SCAMP2: variants seen among roughly 807,000 people sequenced by gnomAD.
SCAMP2 encodes the protein secretory carrier-associated membrane protein 2.
A neutral mutation model predicts 44.1 loss-of-function variants in SCAMP2; 25 were observed. That is an observed-to-expected ratio of 0.57 (90% CI 0.41 to 0.79). The LOEUF (loss-of-function observed/expected upper bound fraction) is 0.79. SCAMP2 is among the 30% of genes least tolerant of loss of function. SCAMP2 has a pLI of 0.00. For synonymous variants in SCAMP2, 156 were observed against 166.0 expected, an observed-to-expected ratio of 0.94 and a Z score of 0.46; for missense variants, 355 against 411.0, an observed-to-expected ratio of 0.86 and a Z score of 1.18.
rs982975886 is a variant in SCAMP2 at position 74,873,130 on chromosome 15, G to A, written c.57+69C>T. The stretch of plus-strand genomic sequence containing the variant: ...CTACGCCACGTCTCCCGGCTCTAGC[G>A]AGAGGCCCGGGCGGCGGCCGTGGGC... On this transcript the variant is annotated intron_variant, in intron 1 of 8. Transcript: ENST00000268099. 5 of 1,304,846 alleles carry A rather than the reference G, an allele frequency of 3.8e-6. No individual in the cohort carries two copies. In the South Asian group the frequency reaches 7.1e-5, roughly 18 times the overall value. 80.8% of individuals were successfully genotyped at this position (1,304,846 alleles called of 1,614,324 possible). A position where few individuals can be genotyped will look rare whatever the true frequency, so the allele number is the denominator to read the frequency against.
At chr15:74,862,909 AAGAG>A (rs2064518324) in intron 1 of SCAMP2, among the ~76,000 whole-genome samples, 2 of 150,296 alleles carry the variant, frequency 1.3e-5, no homozygotes, top group South Asian at 4.2e-4. Context: ...TATTTTTAAA[AAGAG>A]AAAGAAAAAA....
intron 1 of SCAMP2, among the ~76,000 whole-genome samples, chr15:74,859,366 C>A (rs2064487811): frequency 6.6e-6 from 1 of 152,092 alleles, no homozygotes; most frequent in East Asian, 1.9e-4. Flanking sequence ...GTGGGCACCC[C>A]CTGAAGGGGT....
chr15:74,852,118 C>T lies in SCAMP2; in HGVS notation c.294G>A (p.Glu98=). 1.9e-6 allele frequency: 3 copies of T among 1,592,602 alleles called. No homozygotes were observed. Among genetic ancestry groups the T allele is most frequent in the Non-Finnish European group, 2.6e-6 (3 of 1,169,584 alleles). ...GCAGCTCCCGCTCCTTGCGTTCCAGCTCGGCAGCTTTCCTGTCCAGTTCTT... is the reference window on the plus strand; with the variant it reads ...GCAGCTCCCGCTCCTTGCGTTCCAGTTCGGCAGCTTTCCTGTCCAGTTCTT... ...QQEELDRKAA[E]LERKERELQN... Residue 98 remains glutamate, a synonymous_variant, in exon 4 of 9, where the codon GAG becomes GAA. Coordinates refer to ENST00000268099, the MANE Select transcript of SCAMP2 (RefSeq NM_005697.5).
chr15:74,864,670 G>A (rs1413830572), intron 1 of SCAMP2, among the ~76,000 whole-genome samples: 1 of 152,130 alleles, frequency 6.6e-6, no homozygotes, highest in African/African-American at 2.4e-5. Context: ...GACAGCAGCT[G>A]GGGATGGAGA....
chr15:74,868,236 C>T (rs2064555022), intron 1 of SCAMP2, among the ~76,000 whole-genome samples: 1 of 152,220 alleles, frequency 6.6e-6, no homozygotes, highest in African/African-American at 2.4e-5. Flanking sequence ...ATCTTAACTT[C>T]CCATTCACAG....
intron 1 of SCAMP2, among the ~76,000 whole-genome samples, chr15:74,864,944 G>A (rs372694557): frequency 8.6e-5 from 13 of 150,620 alleles, no homozygotes; most frequent in East Asian, 1.9e-4. Flanking sequence ...AAAATTAGCC[G>A]GGCGTGGTGG....
intron 1 of SCAMP2, among the ~76,000 whole-genome samples, chr15:74,865,187 C>T (rs185664715): frequency 7.7e-5 from 11 of 142,532 alleles, no homozygotes; most frequent in Admixed American, 7.0e-4. Context: ...TTGAGACTAG[C>T]CTGGCCAACA....
chr15:74,865,041 A>G (rs576811391), intron 1 of SCAMP2, among the ~76,000 whole-genome samples: 1 of 134,246 alleles, frequency 7.4e-6, no homozygotes, highest in East Asian at 2.4e-4. Context: ...GTGAGCTGAG[A>G]TCACACCACT....
At chr15:74,863,659 A>C in intron 1 of SCAMP2, among the ~76,000 whole-genome samples, 1 of 152,154 alleles carries the variant, frequency 6.6e-6, no homozygotes, top group Middle Eastern at 3.2e-3. Flanking sequence ...CAATCCTCTA[A>C]AGGAATCTAC....
intron 1 of SCAMP2, among the ~76,000 whole-genome samples, chr15:74,865,074 C>CAAA (rs36079981): frequency 6.4e-4 from 21 of 32,780 alleles, no homozygotes; most frequent in Non-Finnish European, 8.0e-4. Context: ...GACTCTATCT[C>CAAA]AAAAAAAAAA....
chr15:74,852,177 A>T lies in SCAMP2; in HGVS notation c.235T>A (p.Ser79Thr). The change falls in exon 4 of 9, where the codon TCT (serine) becomes ACT (threonine). Residue 79 changes from serine to threonine, a missense_variant. Ser to Thr is a moderately conservative substitution (Grantham distance 58). Transcript: ENST00000268099. ...PTQPTPQAVV[S>T]AAQAGLLRQQ... ...CGGAGCAGGCCTGCCTGGGCTGCAG[A>T]CACCACGGCCTGGAGAGAACAGGGG... 4 of 1,542,798 alleles carry T rather than the reference A, an allele frequency of 2.6e-6. No homozygotes were observed. The highest frequency in any genetic ancestry group is 3.5e-6 in the Non-Finnish European group (4 of 1,145,270).
At position 74,854,870 on chromosome 15, in the gene SCAMP2, A is replaced by C. The variant is rs1265489228; in HGVS notation, c.58-221T>G. ...AAAAGGTTCAGCCCAGAAGAGACCC[A>C]GAGCAAGCTTTACCCAGAAGCTTGA... On this transcript the variant is annotated intron_variant, in intron 1 of 8. Transcript: ENST00000268099. 2.0e-5 allele frequency among the ~76,000 whole-genome samples: 3 copies of C among 152,232 alleles called. No individual in the cohort carries two copies. The East Asian group carries it at 5.8e-4, about 29-fold the overall frequency.
intron 8 of SCAMP2, 83 bp from the exon 9 acceptor site, chr15:74,845,300 G>T: frequency 6.3e-7 from 1 of 1,587,232 alleles, no homozygotes; most frequent in Non-Finnish European, 8.6e-7. Flanking sequence ...TCCCAAAGGG[G>T]TCACCAGAAG....
intron 1 of SCAMP2, among the ~76,000 whole-genome samples, chr15:74,861,857 C>T (rs1191352525): frequency 2.9e-5 from 4 of 138,964 alleles, no homozygotes; most frequent in African/African-American, 1.1e-4. Flanking sequence ...GCCGAGGTCA[C>T]ACCACTGCAC....
chr15:74,854,373 C>T (rs191753532), intron 2 of SCAMP2, among the ~76,000 whole-genome samples: 180 of 152,358 alleles, frequency 1.2e-3, no homozygotes, highest in Non-Finnish European at 2.1e-3. Flanking sequence ...GGGAGGGGCC[C>T]CGGTCACAGA....
chr15:74,846,346 G>A (rs1452430688), intron 7 of SCAMP2, among the ~76,000 whole-genome samples: 1 of 151,514 alleles, frequency 6.6e-6, no homozygotes, highest in East Asian at 1.9e-4. Context: ...TTGGGATGCT[G>A]AGGTAGGAGG....
rs552583618 is a variant in SCAMP2 at position 74,873,295 on chromosome 15, T to C, written c.-40A>G. The C allele has an allele frequency of 2.7e-6, 4 of 1,472,562 alleles. No individual in the cohort carries two copies. In the South Asian group the frequency reaches 5.5e-5, roughly 20 times the overall value. The allele number at this position is 1,472,562 out of a possible 1,614,324, so 91.2% of individuals were successfully genotyped here. A position where few individuals can be genotyped will look rare whatever the true frequency, so the allele number is the denominator to read the frequency against. ...AGCGGGCGAACTCCGCGAACGCTGC[T>C]GCCTCCGGGCACCCAGACCCAGCGG... On this transcript the variant is annotated 5_prime_UTR_variant, in exon 1 of 9. Coordinates refer to ENST00000268099, the MANE Select transcript of SCAMP2 (RefSeq NM_005697.5).
rs2064385964 is a variant in SCAMP2, at chr15:74,844,996, A to G, written c.*87T>C. ...GAACCCTGCCAGGTCTGTGCTGGGC[A>G]CAACCACCACCACATAAGGCACCCA... On this transcript the variant is annotated 3_prime_UTR_variant, in exon 9 of 9. Transcript: ENST00000268099. 8 of 1,465,492 alleles carry G rather than the reference A, an allele frequency of 5.5e-6. No individual in the cohort carries two copies. The South Asian group carries it at 1.0e-4, about 19-fold the overall frequency. The allele number at this position is 1,465,492 out of a possible 1,614,324, so 90.8% of individuals were successfully genotyped here.
intron 1 of SCAMP2, among the ~76,000 whole-genome samples, chr15:74,861,020 C>A (rs562940543): frequency 9.7e-4 from 145 of 148,764 alleles, no homozygotes; most frequent in Non-Finnish European, 1.5e-3. Flanking sequence ...CCTAAAAGTA[C>A]AAAAATTAGC....
Sources: gnomAD v4.1 joint callset for allele counts (sites outside exome capture counted in the v4.1 genomes callset) on GRCh38, gnomAD v4.1.1 for gene constraint, MANE v1.5 for transcripts, NCBI Gene and HGNC (gene_info 2026-07-23, HGNC 2026-07-21) for gene names.